RHOBTB2: variants seen among roughly 807,000 people sequenced by gnomAD.
RHOBTB2 encodes the protein Rho related BTB domain containing 2.
Under a neutral mutation model 66.5 loss-of-function variants are expected in RHOBTB2, and 39 were observed. That is an observed-to-expected ratio of 0.59 (90% CI 0.45 to 0.77). The LOEUF (loss-of-function observed/expected upper bound fraction) is 0.77, where lower values mean the gene tolerates loss of function less well. Ranked by LOEUF, RHOBTB2 falls within the 30% of genes least tolerant of loss-of-function variation. RHOBTB2 has a pLI of 0.00. For missense variants in RHOBTB2, 755 were observed against 999.1 expected (o/e 0.76, Z 3.29); for synonymous variants, 390 against 395.0 (o/e 0.99, Z 0.15).
chr8:23,005,519 G>GT (rs750089851), intron 3 of RHOBTB2, 44 bp downstream of exon 3: 17 of 1,286,126 alleles, frequency 1.3e-5, no homozygotes, highest in African/African-American at 4.4e-5. Flanking sequence ...AACAGGGTGG[G>GT]TTTTTCCCTG....
chr8:22,991,630 G>A (rs776723504), intron 1 of RHOBTB2, among the ~76,000 whole-genome samples: 12 of 152,162 alleles, frequency 7.9e-5, no homozygotes, highest in Admixed American at 6.5e-5. Flanking sequence ...ATGGGGACAG[G>A]AACTCAGCTC....
upstream of RHOBTB2, among the ~76,000 whole-genome samples, chr8:22,986,094 C>T (rs752496982): frequency 3.3e-5 from 5 of 151,670 alleles, no homozygotes; most frequent in East Asian, 1.9e-4. Flanking sequence ...GTGACTGCAG[C>T]GAACATCAGA....
chr8:22,969,158 G>C, the RHOBTB2 span, among the ~76,000 whole-genome samples: 2 of 152,200 alleles, frequency 1.3e-5, no homozygotes, highest in Non-Finnish European at 2.9e-5. Flanking sequence ...GCAGGCAAGA[G>C]AGAGAATGAG....
rs766069178 is a variant in RHOBTB2 at position 23,007,158 on chromosome 8, C to G, written c.913C>G (p.Leu305Val). 2 of 1,605,736 alleles carry G rather than the reference C, an allele frequency of 1.2e-6. No homozygotes were observed. Among genetic ancestry groups the G allele is most frequent in the Non-Finnish European group, 1.7e-6 (2 of 1,179,154 alleles). ...CCTCATGGACCTGAGTGAGGGGGAGCTGGGGGGCCCCTCGGAGCCAGGGGG... is the reference window on the plus strand; with the variant it reads ...CCTCATGGACCTGAGTGAGGGGGAGGTGGGGGGCCCCTCGGAGCCAGGGGG... ...LFLMDLSEGE[L>V]GGPSEPGGTH... Residue 305 changes from leucine (L) to valine (V), a missense_variant, in exon 5 of 10, where the codon CTG (leucine) becomes GTG (valine). Transcript: ENST00000251822.
rs556381789 is a variant in RHOBTB2, at chr8:23,019,420, C to G, written c.*1951C>G. ...CGTATGCTGCCCTCTACAGGCTGCT[C>G]GGCCTCCCTGCAGCTCAGCGCAGCC... On this transcript the variant is annotated 3_prime_UTR_variant, in exon 10 of 10. Transcript: ENST00000251822. 5 of 152,612 alleles carry G rather than the reference C, an allele frequency of 3.3e-5. No homozygotes were observed. The highest frequency in any genetic ancestry group is 7.2e-5 in the African/African-American group (3 of 41,462). The allele number at this position is 152,612 out of a possible 1,614,324, so 9.5% of individuals were successfully genotyped here. A position where few individuals can be genotyped will look rare whatever the true frequency, so the allele number is the denominator to read the frequency against.
the RHOBTB2 span, among the ~76,000 whole-genome samples, chr8:22,962,749 C>G: frequency 1.3e-5 from 2 of 152,230 alleles, no homozygotes; most frequent in African/African-American, 4.8e-5. Context: ...AGCAACCTGA[C>G]TGTCTCCTGC....
intron 7 of RHOBTB2, among the ~76,000 whole-genome samples, chr8:23,011,123 A>C (rs1343240051): frequency 6.6e-6 from 1 of 152,144 alleles, no homozygotes; most frequent in Non-Finnish European, 1.5e-5. Context: ...GTTTGGTGGC[A>C]GGCGCCTGTA....
chr8:23,014,971 G>A (rs573777686), intron 8 of RHOBTB2, among the ~76,000 whole-genome samples, 193 bp downstream of exon 8: 3 of 152,274 alleles, frequency 2.0e-5, no homozygotes, highest in African/African-American at 7.2e-5. Flanking sequence ...TGTACCCGGA[G>A]GGGAGCTGAC....
chr8:22,956,849 G>A, the RHOBTB2 span, among the ~76,000 whole-genome samples: 4 of 152,212 alleles, frequency 2.6e-5, no homozygotes, highest in African/African-American at 4.8e-5. Flanking sequence ...TAGTAGAGAC[G>A]GGGTATCTCC....
At chr8:22,960,974 T>A in the RHOBTB2 span, among the ~76,000 whole-genome samples, 1 of 152,216 alleles carries the variant, frequency 6.6e-6, no homozygotes, top group Non-Finnish European at 1.5e-5. Flanking sequence ...CTTGTAACCA[T>A]GGAGACTGTA....
At chr8:22,958,334 G>T in the RHOBTB2 span, among the ~76,000 whole-genome samples, 27 of 152,282 alleles carry the variant, frequency 1.8e-4, 1 homozygote, top group South Asian at 5.6e-3. Flanking sequence ...AAGACTGGAG[G>T]GGGTATAACA....
At chr8:22,977,585 A>AG in the RHOBTB2 span, among the ~76,000 whole-genome samples, 1 of 151,604 alleles carries the variant, frequency 6.6e-6, no homozygotes, top group Non-Finnish European at 1.5e-5. Flanking sequence ...AAAAAAAAAA[A>AG]AAGCTGTTGA....
chr8:22,995,826 T>C (rs1382367645), upstream of RHOBTB2: 12 of 1,549,372 alleles, frequency 7.7e-6, no homozygotes, highest in Non-Finnish European at 9.6e-6. Flanking sequence ...ACAAGGCCCA[T>C]GGGGTGGGCT....
At position 23,007,763 on chromosome 8, in the gene RHOBTB2, G is replaced by T; in HGVS notation, c.1501+17G>T. 1 of 1,608,534 alleles carries T rather than the reference G, an allele frequency of 6.2e-7. No individual in the cohort carries two copies. The highest frequency in any genetic ancestry group is 8.5e-7 in the Non-Finnish European group (1 of 1,176,468). ...CCTTCTCAGGTATGGAACAGGCTTG[G>T]AAAGCAAGGGGGTTCTGCATTGGTG... On this transcript the variant is annotated intron_variant, in intron 5 of 9. Coordinates refer to ENST00000251822, the MANE Select transcript of RHOBTB2 (RefSeq NM_015178.3).
chr8:22,963,844 T>C, the RHOBTB2 span, among the ~76,000 whole-genome samples: 2 of 152,090 alleles, frequency 1.3e-5, no homozygotes, highest in Admixed American at 6.6e-5. Context: ...TGCAATGATG[T>C]GATCTTGGCT....
rs538560983 is a variant in RHOBTB2, at chr8:23,004,055, G to A, written c.-10-370G>A. ...GTTGTTCTGCTGCCACTGCTCTGCC[G>A]GGGAAGGAGGAGGAGAGCAGATGAG... is the stretch of plus-strand genomic sequence containing the variant. On this transcript the variant is annotated intron_variant, in intron 1 of 9. Transcript: ENST00000251822. The surrounding 1 kb of genome is among the most constrained non-coding windows in gnomAD (Gnocchi z 6.4). 8 of 320,826 alleles carry A rather than the reference G, an allele frequency of 2.5e-5. No homozygotes were observed. Among genetic ancestry groups the A allele is most frequent in the South Asian group, 8.7e-5 (3 of 34,630 alleles). The allele number at this position is 320,826 out of a possible 1,614,324, so 19.9% of individuals were successfully genotyped here. A position where few individuals can be genotyped will look rare whatever the true frequency, so the allele number is the denominator to read the frequency against.
chr8:22,980,134 G>T, the RHOBTB2 span, among the ~76,000 whole-genome samples: 1 of 152,082 alleles, frequency 6.6e-6, no homozygotes, highest in Non-Finnish European at 1.5e-5. Flanking sequence ...TATCCTGTTA[G>T]GTTCATTATT....
At chr8:22,975,354 G>A in the RHOBTB2 span, among the ~76,000 whole-genome samples, 4 of 152,132 alleles carry the variant, frequency 2.6e-5, no homozygotes, top group East Asian at 3.9e-4. Flanking sequence ...CAGGCTGTGG[G>A]ACAGGCTTTG....
chr8:22,952,188 C>A, the RHOBTB2 span, among the ~76,000 whole-genome samples: 1 of 152,120 alleles, frequency 6.6e-6, no homozygotes, highest in African/African-American at 2.4e-5. Flanking sequence ...AAAGTATGCC[C>A]TTGACCCAAC....
Sources: gnomAD v4.1 joint callset for allele counts (sites outside exome capture counted in the v4.1 genomes callset) on GRCh38, gnomAD v4.1.1 for gene constraint, Gnocchi (gnomAD v3.1) non-coding constraint, MANE v1.5 for transcripts, NCBI Gene and HGNC (gene_info 2026-07-23, HGNC 2026-07-21) for gene names.